PTPRT: variants seen among roughly 807,000 people sequenced by gnomAD.
PTPRT encodes receptor-type tyrosine-protein phosphatase T.
PTPRT carries 56 observed loss-of-function variants against 176.8 expected under a neutral mutation model. That is an observed-to-expected ratio of 0.32 (90% confidence interval 0.26 to 0.40). The LOEUF is 0.40. Ranked by LOEUF, PTPRT falls within the 10% of genes least tolerant of loss-of-function variation. PTPRT has a pLI of 1.00. For missense variants in PTPRT, 1,540 were observed against 1,908.2 expected, an observed-to-expected ratio of 0.81 and a Z score of 3.60; for synonymous variants, 783 against 739.0, an observed-to-expected ratio of 1.06 and a Z score of -0.96.
Position 43,175,204 on chromosome 20 carries a change from G to A in PTPRT, c.88+14442C>T, listed in dbSNP as rs118143102. 6.8e-3 allele frequency among the ~76,000 whole-genome samples: 1,042 copies of A among 152,280 alleles called. 25 individuals are homozygous for A. The East Asian group carries it at 0.077, about 11-fold the overall frequency. ...GAGAAAGAGACGGAGGTGTGACAAGGGAATAGAACTGATGGCTAAGAAGGT... is the reference window on the plus strand; with the variant it reads ...GAGAAAGAGACGGAGGTGTGACAAGAGAATAGAACTGATGGCTAAGAAGGT... On this transcript the variant is annotated intron_variant, in intron 1 of 30. Coordinates refer to ENST00000373187, the MANE Select transcript of PTPRT (RefSeq NM_007050.6).
chr20:43,014,143 C>G (rs1196431831), intron 1 of PTPRT, among the ~76,000 whole-genome samples: 1 of 152,150 alleles, frequency 6.6e-6, no homozygotes, highest in Non-Finnish European at 1.5e-5. Flanking sequence ...CATCTATTCT[C>G]TCATTTTTGG....
At position 42,961,663 on chromosome 20, in the gene PTPRT, A is replaced by C. The variant is rs183789786; in HGVS notation, c.89-75731T>G. Among the ~76,000 whole-genome samples, 5 of 152,162 alleles carry C rather than the reference A, an allele frequency of 3.3e-5. No individual in the cohort carries two copies. The East Asian group carries it at 9.7e-4, about 29-fold the overall frequency. On this transcript the variant is annotated intron_variant, in intron 1 of 30. Transcript: ENST00000373187. Reference sequence around the variant, plus strand: ...AGAGCATGTGGGAGGGGGCCCCCACACTCTCCAGGGAGGGGTACTGTGGTC... The same window carrying C: ...AGAGCATGTGGGAGGGGGCCCCCACCCTCTCCAGGGAGGGGTACTGTGGTC...
intron 1 of PTPRT, among the ~76,000 whole-genome samples, chr20:43,089,511 T>C (rs2146303287): frequency 6.6e-6 from 1 of 152,356 alleles, no homozygotes; most frequent in South Asian, 2.1e-4. Flanking sequence ...TTCCCAAAAC[T>C]CACTGATATC....
In PTPRT at chr20:42,932,546, C is replaced by T. The variant is rs146286213; in HGVS notation, c.89-46614G>A. 2.2e-3 allele frequency among the ~76,000 whole-genome samples: 335 copies of T among 152,296 alleles called. 1 individual carries two copies. The highest frequency in any genetic ancestry group is 7.7e-3 in the African/African-American group (320 of 41,556). ...AAGGAAGAGAGCCTTGTGTCTCCCA[C>T]CCTAGGTAGCATGTCATGTTGTGCA... is the stretch of plus-strand genomic sequence containing the variant. On this transcript the variant is annotated intron_variant, in intron 1 of 30. Transcript: ENST00000373187.
rs139390730 is a variant in PTPRT, at chr20:42,887,690, T to A, written c.89-1758A>T. Among the ~76,000 whole-genome samples the A allele has an allele frequency of 2.5e-3, 383 of 152,292 alleles. 1 individual carries two copies. Among genetic ancestry groups the A allele is most frequent in the African/African-American group, 8.7e-3 (363 of 41,574 alleles). On this transcript the variant is annotated intron_variant, in intron 1 of 30. Transcript: ENST00000373187. ...TTGACAGATCTGACATAGAATACAG[T>A]CCAAACACCATGGAAGAAAACCTGT...
At position 42,533,867 on chromosome 20, in the gene PTPRT, T is replaced by C. The variant is rs62205786; in HGVS notation, c.1154-61305A>G. On this transcript the variant is annotated intron_variant, in intron 7 of 30. Coordinates refer to ENST00000373187, the MANE Select transcript of PTPRT (RefSeq NM_007050.6). ...GGTCAATGGTTGTTGTGCAAGGGAATGGGGGTGAAGGGTGCATAAAGTGTG... is the reference window on the plus strand; with the variant it reads ...GGTCAATGGTTGTTGTGCAAGGGAACGGGGGTGAAGGGTGCATAAAGTGTG... 7.7e-3 allele frequency among the ~76,000 whole-genome samples: 1,178 copies of C among 152,286 alleles called. 12 individuals are homozygous for C. Among genetic ancestry groups the C allele is most frequent in the Middle Eastern group, 0.014 (4 of 294 alleles).
rs142242596 is a variant in PTPRT, at chr20:42,985,048, T to C, written c.89-99116A>G. 3.6e-3 allele frequency among the ~76,000 whole-genome samples: 551 copies of C among 152,254 alleles called. 10 individuals carry two copies. Among genetic ancestry groups the C allele is most frequent in the Admixed American group, 0.029 (444 of 15,298 alleles). Reference sequence around the variant, plus strand: ...ACCAGACATGAAGATTGAGTGAATATGACCCAACTGGGAGCTACAGCAGGA... The same window carrying C: ...ACCAGACATGAAGATTGAGTGAATACGACCCAACTGGGAGCTACAGCAGGA... On this transcript the variant is annotated intron_variant, in intron 1 of 30. Transcript: ENST00000373187.
At chr20:42,991,242 T>G (rs925981518) in intron 1 of PTPRT, among the ~76,000 whole-genome samples, 1 of 152,114 alleles carries the variant, frequency 6.6e-6, no homozygotes, top group South Asian at 2.1e-4. Flanking sequence ...GAAATAATCA[T>G]AGAGGCCAGC....
chr20:42,747,355 T>C (rs1459355120), intron 6 of PTPRT, among the ~76,000 whole-genome samples: 1 of 152,202 alleles, frequency 6.6e-6, no homozygotes, highest in Non-Finnish European at 1.5e-5. Context: ...CTGACTCAGG[T>C]ACTGCTGGTC....
chr20:42,620,217 GC>G (rs2074163968), intron 7 of PTPRT, among the ~76,000 whole-genome samples: 1 of 149,550 alleles, frequency 6.7e-6, no homozygotes, highest in Non-Finnish European at 1.5e-5. Flanking sequence ...GTGTCAGTGT[GC>G]CCCTGCTGGG....
intron 28 of PTPRT, among the ~76,000 whole-genome samples, 193 bp downstream of exon 28, chr20:42,085,535 C>T (rs73129112): frequency 0.038 from 5,789 of 152,238 alleles, 183 homozygotes; most frequent in Middle Eastern, 0.065. Flanking sequence ...GGATGTCGCT[C>T]GTTGCATCTC....
intron 7 of PTPRT, among the ~76,000 whole-genome samples, chr20:42,514,179 A>T (rs2072016490): frequency 6.6e-6 from 1 of 152,206 alleles, no homozygotes; most frequent in South Asian, 2.1e-4. Flanking sequence ...CGATATATTC[A>T]TCTTTTGCTT....
intron 18 of PTPRT, among the ~76,000 whole-genome samples, chr20:42,134,799 A>G (rs1988296590): frequency 6.6e-6 from 1 of 152,220 alleles, no homozygotes; most frequent in South Asian, 2.1e-4. Flanking sequence ...GCAAGCTGGT[A>G]TGAGTCAGCT....
At chr20:42,859,827 C>A (rs1301809149) in intron 2 of PTPRT, among the ~76,000 whole-genome samples, 1 of 151,620 alleles carries the variant, frequency 6.6e-6, no homozygotes, top group Admixed American at 6.6e-5. Context: ...CTCCTGACCT[C>A]GTGATCCACC....
rs192068945 is a variant in PTPRT at position 42,546,664 on chromosome 20, A to C, written c.1154-74102T>G. 3.5e-3 allele frequency among the ~76,000 whole-genome samples: 533 copies of C among 152,228 alleles called. 9 individuals carry two copies. Among genetic ancestry groups the C allele is most frequent in the African/African-American group, 0.012 (514 of 41,548 alleles). On this transcript the variant is annotated intron_variant, in intron 7 of 30. Transcript: ENST00000373187. ...TTAATCACGTCTAGCTTTGGATTTAAAGTGAGAGACCTGTGACTCTTCCTT... is the reference window on the plus strand; with the variant it reads ...TTAATCACGTCTAGCTTTGGATTTACAGTGAGAGACCTGTGACTCTTCCTT...
intron 11 of PTPRT, among the ~76,000 whole-genome samples, chr20:42,328,441 C>A (rs924684906): frequency 6.6e-6 from 1 of 152,040 alleles, no homozygotes; most frequent in Non-Finnish European, 1.5e-5. Context: ...CTCTAACATA[C>A]TATTAAATTG....
chr20:42,282,604 T>C, intron 12 of PTPRT, 79 bp from the exon 13 acceptor site: 1 of 1,067,964 alleles, frequency 9.4e-7, no homozygotes, highest in East Asian at 2.6e-5. Flanking sequence ...AAAATACATA[T>C]ATATTTGCAT....
In PTPRT at chr20:42,593,537, C is replaced by G. The variant is rs77149839; in HGVS notation, c.1153+84329G>C. Among the ~76,000 whole-genome samples the G allele has an allele frequency of 6.5e-3, 997 of 152,300 alleles. 11 individuals are homozygous for G. Among genetic ancestry groups the G allele is most frequent in the African/African-American group, 0.023 (960 of 41,570 alleles). On this transcript the variant is annotated intron_variant, in intron 7 of 30. Coordinates refer to ENST00000373187, the MANE Select transcript of PTPRT (RefSeq NM_007050.6). ...GAGCTGGCGAGCTCATTTATCTAATCTGTTAAAACCAGATTTGGTGGAAAG... is the reference window on the plus strand; with the variant it reads ...GAGCTGGCGAGCTCATTTATCTAATGTGTTAAAACCAGATTTGGTGGAAAG...
At position 42,885,811 on chromosome 20, in the gene PTPRT, G is replaced by C; in HGVS notation, c.210C>G (p.Pro70=). 1 of 1,605,238 alleles carries C rather than the reference G, an allele frequency of 6.2e-7. No homozygotes were observed. The change falls in exon 2 of 31, where the codon CCC becomes CCG. Residue 70 remains proline (P), a synonymous_variant. Coordinates refer to ENST00000373187, the MANE Select transcript of PTPRT (RefSeq NM_007050.6). The part of the protein sequence containing the change: ...WEKPMLDQAV[P]TGSFMMVNSS... ...CAAACATGATGGATCACATACCTGT[G>C]GGCACTGCCTGGTCCAGCATTGGTT...
Sources: allele counts gnomAD v4.1 joint callset (sites outside exome capture counted in the v4.1 genomes callset), GRCh38; gene constraint gnomAD v4.1.1; transcripts MANE v1.5; gene names NCBI Gene and HGNC (gene_info 2026-07-23, HGNC 2026-07-21).